Variants in PCBP3 observed in about 807,000 individuals in gnomAD.
PCBP3 encodes the protein poly(rC) binding protein 3.
A neutral mutation model predicts 52.7 loss-of-function variants in PCBP3; 25 were observed. The ratio of observed to expected loss-of-function variants is 0.47; its 90% CI spans 0.35 to 0.66. The LOEUF (loss-of-function observed/expected upper bound fraction) is 0.66, where lower values mean the gene tolerates loss of function less well. PCBP3 is among the 30% of genes least tolerant of loss of function. The pLI, the probability that PCBP3 is intolerant of heterozygous loss-of-function variation, is 0.01. For synonymous variants in PCBP3, 162 were observed against 183.0 expected, an observed-to-expected ratio of 0.89 and a Z score of 0.93; for missense variants, 391 against 490.3, an observed-to-expected ratio of 0.80 and a Z score of 1.91.
chr21:45,932,386 A>T (rs2076337636), intron 15 of PCBP3, among the ~76,000 whole-genome samples: 1 of 151,730 alleles, frequency 6.6e-6, no homozygotes, highest in African/African-American at 2.4e-5. Context: ...TCCTGAGATG[A>T]ATGAACACAT....
At chr21:45,694,910 G>A (rs979083389) in intron 2 of PCBP3, among the ~76,000 whole-genome samples, 2 of 152,082 alleles carry the variant, frequency 1.3e-5, no homozygotes, top group East Asian at 1.9e-4. Flanking sequence ...AAAACACCAC[G>A]ATCGAAATTT....
chr21:45,653,037 G>A (rs769095436), intron 1 of PCBP3, among the ~76,000 whole-genome samples: 1 of 152,046 alleles, frequency 6.6e-6, no homozygotes, highest in Non-Finnish European at 1.5e-5. Context: ...TTAGAAGAAC[G>A]TTTAAACATT....
intron 11 of PCBP3, among the ~76,000 whole-genome samples, chr21:45,913,235 A>G (rs2149292902): frequency 6.6e-6 from 1 of 152,250 alleles, no homozygotes; most frequent in Non-Finnish European, 1.5e-5. Flanking sequence ...CCCAAGGGAA[A>G]TTAAGGCAAA....
At chr21:45,799,210 G>A (rs1157605850) in intron 4 of PCBP3, among the ~76,000 whole-genome samples, 2 of 152,248 alleles carry the variant, frequency 1.3e-5, no homozygotes, top group Non-Finnish European at 2.9e-5. Context: ...GATAAATGAG[G>A]TAAAGGATAT....
intron 2 of PCBP3, among the ~76,000 whole-genome samples, chr21:45,707,236 C>T (rs529043473): frequency 5.3e-4 from 80 of 152,230 alleles, no homozygotes; most frequent in African/African-American, 1.7e-3. Flanking sequence ...CAGATTCTGG[C>T]TGGGTGCAGT....
chr21:45,723,606 CTGAAGTA>C lies in PCBP3; in HGVS notation c.-199-11782_-199-11776del, dbSNP rs141322783. Among the ~76,000 whole-genome samples, 81 of 152,226 alleles carry C rather than the reference CTGAAGTA, an allele frequency of 5.3e-4. No homozygotes were observed. The East Asian group carries it at 0.015, about 29-fold the overall frequency. On this transcript the variant is annotated intron_variant, in intron 2 of 17. Transcript: ENST00000681687. Reference sequence around the variant, plus strand: ...TATATGTATCTATATTGACACATACCTGAAGTATGATCTATCTTAGATATGAAAGTGA... The same window carrying C: ...TATATGTATCTATATTGACACATACCTGATCTATCTTAGATATGAAAGTGA...
At chr21:45,663,958 A>G (rs896704652) in intron 1 of PCBP3, among the ~76,000 whole-genome samples, 2 of 150,608 alleles carry the variant, frequency 1.3e-5, no homozygotes, top group Non-Finnish European at 3.0e-5. Context: ...TTTGGGCAGT[A>G]TGTTCATTTT....
intron 2 of PCBP3, among the ~76,000 whole-genome samples, chr21:45,731,625 A>G (rs1191583511): frequency 6.6e-6 from 1 of 152,240 alleles, no homozygotes; most frequent in Non-Finnish European, 1.5e-5. Flanking sequence ...TACTTTTTAC[A>G]GTATATGCCT....
intron 2 of PCBP3, among the ~76,000 whole-genome samples, chr21:45,696,540 C>T (rs1027523905): frequency 2.0e-5 from 3 of 152,114 alleles, no homozygotes; most frequent in African/African-American, 7.2e-5. Flanking sequence ...TGCCTGTAAT[C>T]CCAGCACTTT....
In PCBP3 at chr21:45,704,976, G is replaced by T. The variant is rs561444268; in HGVS notation, c.-199-30416G>T. ...TAGCCTCCACAGAGCCCATCTTGGG[G>T]AGGTGTGCCTCTTTTTTCTGGCTTC... On this transcript the variant is annotated intron_variant, in intron 2 of 17. Coordinates refer to ENST00000681687, the MANE Select transcript of PCBP3 (RefSeq NM_001384156.1). This position sits in a 1 kb window ranked among gnomAD's most constrained non-coding sequence, Gnocchi z 4.1. Among the ~76,000 whole-genome samples the T allele has an allele frequency of 1.4e-3, 219 of 152,322 alleles. 2 individuals are homozygous for T. The highest frequency in any genetic ancestry group is 6.8e-3 in the Middle Eastern group (2 of 294).
chr21:45,650,513 C>T (rs973218697), intron 1 of PCBP3, among the ~76,000 whole-genome samples: 1 of 151,968 alleles, frequency 6.6e-6, no homozygotes, highest in South Asian at 2.1e-4. Flanking sequence ...TGTAGTGGTG[C>T]TATCATATCC....
chr21:45,909,580 C>G (rs2096285608), intron 10 of PCBP3, 94 bp downstream of exon 10: 4 of 1,292,150 alleles, frequency 3.1e-6, no homozygotes, highest in Admixed American at 2.0e-5. Context: ...AGCCTTGTCC[C>G]TGCTGTCTGC....
chr21:45,849,691 T>G (rs2093918716), intron 4 of PCBP3, among the ~76,000 whole-genome samples: 1 of 152,222 alleles, frequency 6.6e-6, no homozygotes. Context: ...AAGTGCAATT[T>G]TATCAAAACA....
Position 45,917,525 on chromosome 21 carries a change from C to A in PCBP3, c.676-63C>A. On this transcript the variant is annotated intron_variant, in intron 12 of 17. Coordinates refer to ENST00000681687, the MANE Select transcript of PCBP3 (RefSeq NM_001384156.1). The surrounding 1 kb of genome is among the most constrained non-coding windows in gnomAD (Gnocchi z 5.3). ...GGGTCCTTGTCATGCTGGAGGGTGG[C>A]GGCGGGTGCTGAGCCGTGGTGCAGC... The A allele has an allele frequency of 1.5e-6, 2 of 1,311,624 alleles. No homozygotes were observed. The highest frequency in any genetic ancestry group is 2.2e-6 in the Non-Finnish European group (2 of 910,862). The allele number at this position is 1,311,624 out of a possible 1,614,324, so 81.2% of individuals were successfully genotyped here.
chr21:45,759,747 C>G (rs900028830), intron 4 of PCBP3: 2 of 152,158 alleles, frequency 1.3e-5, no homozygotes, highest in African/African-American at 4.8e-5. Flanking sequence ...TAACAGTTTT[C>G]TAGGGTGTGT....
chr21:45,867,923 C>T (rs891513197), intron 5 of PCBP3, among the ~76,000 whole-genome samples: 1 of 152,210 alleles, frequency 6.6e-6, no homozygotes, highest in South Asian at 2.1e-4. Flanking sequence ...GCACACACAG[C>T]GGGGAAGAGT....
At chr21:45,760,268 C>A (rs1468995807) in intron 4 of PCBP3, 1 of 152,192 alleles carries the variant, frequency 6.6e-6, no homozygotes, top group African/African-American at 2.4e-5. Context: ...CCTCGAACTC[C>A]TGGGCTCAGT....
intron 13 of PCBP3, among the ~76,000 whole-genome samples, chr21:45,921,675 C>T (rs1394578241): frequency 1.3e-5 from 2 of 152,044 alleles, no homozygotes; most frequent in East Asian, 1.9e-4. Context: ...AAAATTTAGC[C>T]AGACGTGGTG....
intron 5 of PCBP3, among the ~76,000 whole-genome samples, chr21:45,859,970 C>A (rs1428096946): frequency 6.6e-6 from 1 of 152,230 alleles, no homozygotes; most frequent in Non-Finnish European, 1.5e-5. Context: ...GCCTCAGGGA[C>A]CAGCCAGCCC....
Sources: gnomAD v4.1 joint callset for allele counts (sites outside exome capture counted in the v4.1 genomes callset) on GRCh38, gnomAD v4.1.1 for gene constraint, Gnocchi (gnomAD v3.1) non-coding constraint, MANE v1.5 for transcripts, NCBI Gene and HGNC (gene_info 2026-07-23, HGNC 2026-07-21) for gene names.